NCOA3: variants seen among roughly 807,000 people sequenced by gnomAD.
NCOA3 encodes the protein nuclear receptor coactivator 3, also known as CBP-interacting protein.
NCOA3 carries 51 observed loss-of-function variants against 158.8 expected under a neutral mutation model. The ratio of observed to expected loss-of-function variants is 0.32; its 90% confidence interval spans 0.26 to 0.41. The LOEUF (loss-of-function observed/expected upper bound fraction) is 0.41. Among genes scored for constraint, NCOA3 ranks in the 10% least tolerant of loss-of-function variants. The pLI, the probability that NCOA3 is intolerant of heterozygous loss-of-function variation, is 1.00. For missense variants in NCOA3, 1,510 were observed against 1,746.6 expected (o/e 0.86, Z 2.41); for synonymous variants, 537 against 592.4 (o/e 0.91, Z 1.36).
chr20:47,583,285 G>A lies in NCOA3; in HGVS notation c.-20+24G>A, dbSNP rs1602437031. On this transcript the variant is annotated intron_variant, in intron 2 of 22. Coordinates refer to ENST00000371998, the MANE Select transcript of NCOA3 (RefSeq NM_181659.3). ...AGGTAATTCAGCTTTAGTTTGATTT[G>A]ATCCTTTGTAATTTTTTGTCTTCAA... is the stretch of plus-strand genomic sequence containing the variant. The A allele has an allele frequency of 2.0e-5, 8 of 398,436 alleles. No individual in the cohort carries two copies. In the East Asian group the frequency reaches 2.9e-4, roughly 14 times the overall value. The allele number at this position is 398,436 out of a possible 1,614,324, so 24.7% of individuals were successfully genotyped here.
intron 1 of NCOA3, among the ~76,000 whole-genome samples, chr20:47,567,306 A>G (rs537790601): frequency 1.3e-5 from 2 of 152,134 alleles, no homozygotes; most frequent in African/African-American, 2.4e-5. Context: ...TCGGCCTCCC[A>G]AAGTGCTAGG....
chr20:47,548,773 G>T (rs1190431287), intron 1 of NCOA3, among the ~76,000 whole-genome samples: 2 of 152,066 alleles, frequency 1.3e-5, no homozygotes, highest in Middle Eastern at 3.2e-3. Flanking sequence ...TGTCATGATG[G>T]TTTACTGTGT....
At chr20:47,587,943 C>T (rs1027198797) in intron 2 of NCOA3, among the ~76,000 whole-genome samples, 29 of 152,012 alleles carry the variant, frequency 1.9e-4, no homozygotes, top group African/African-American at 7.0e-4. Flanking sequence ...ACTCATTTGC[C>T]TAATCCTCTA....
chr20:47,587,849 C>T (rs1439760001), intron 2 of NCOA3, among the ~76,000 whole-genome samples: 2 of 152,086 alleles, frequency 1.3e-5, no homozygotes, highest in Admixed American at 6.5e-5. Flanking sequence ...TATTCCATGT[C>T]TACAGGGTTC....
intron 1 of NCOA3, among the ~76,000 whole-genome samples, chr20:47,536,634 G>C (rs987621459): frequency 1.3e-5 from 2 of 152,028 alleles, no homozygotes; most frequent in African/African-American, 4.8e-5. Context: ...AGTGATGATT[G>C]ATATCTGTGC....
chr20:47,566,590 C>T (rs1303166594), intron 1 of NCOA3, among the ~76,000 whole-genome samples: 1 of 152,100 alleles, frequency 6.6e-6, no homozygotes, highest in Non-Finnish European at 1.5e-5. Context: ...CAGCTCACCG[C>T]ACCCTCAACC....
chr20:47,524,642 C>T (rs1267285887), intron 1 of NCOA3, among the ~76,000 whole-genome samples: 1 of 152,170 alleles, frequency 6.6e-6, no homozygotes, highest in Non-Finnish European at 1.5e-5. Flanking sequence ...AGAGGAAGCT[C>T]CCTGGTACAG....
intron 1 of NCOA3, among the ~76,000 whole-genome samples, chr20:47,578,157 CA>C (rs35210269): frequency 6.6e-6 from 1 of 151,344 alleles, no homozygotes; most frequent in Admixed American, 6.6e-5. Context: ...TTATATAGCT[CA>C]AAAAAAGTGG....
At position 47,652,632 on chromosome 20, in the gene NCOA3, A is replaced by G. The variant is rs766965488; in HGVS notation, c.4121+52A>G. Reference sequence around the variant, plus strand: ...GTCACATCCTAGTCCCAGAAGTCCAAGAACTTAATGTATTTTTCAGTCAAG... The same window carrying G: ...GTCACATCCTAGTCCCAGAAGTCCAGGAACTTAATGTATTTTTCAGTCAAG... On this transcript the variant is annotated intron_variant, in intron 21 of 22. Coordinates refer to ENST00000371998, the MANE Select transcript of NCOA3 (RefSeq NM_181659.3). 2.0e-5 allele frequency: 31 copies of G among 1,531,586 alleles called. No individual in the cohort carries two copies. In the East Asian group the frequency reaches 7.2e-4, roughly 35 times the overall value. The allele number at this position is 1,531,586 out of a possible 1,614,324, so 94.9% of individuals were successfully genotyped here. A position where few individuals can be genotyped will look rare whatever the true frequency, so the allele number is the denominator to read the frequency against.
chr20:47,566,536 G>A (rs6018549), intron 1 of NCOA3, among the ~76,000 whole-genome samples: 19,421 of 151,810 alleles, frequency 0.13, 1,711 homozygotes, highest in African/African-American at 0.24. Context: ...TTTTGAGATA[G>A]GGTCTTGCTC....
chr20:47,538,294 G>A (rs1450967477), intron 1 of NCOA3, among the ~76,000 whole-genome samples: 1 of 152,204 alleles, frequency 6.6e-6, no homozygotes, highest in Non-Finnish European at 1.5e-5. Context: ...GACTGCTATA[G>A]TAATTCACGA....
intron 19 of NCOA3, 137 bp from the exon 20 acceptor site, chr20:47,650,845 A>T: frequency 1.2e-6 from 1 of 819,428 alleles, no homozygotes; most frequent in East Asian, 2.5e-5. Context: ...CCTGGGCGAC[A>T]GAGTGAGACC....
In NCOA3 at chr20:47,654,926, TCA is replaced by T. The variant is rs575492858; in HGVS notation, c.*1510_*1511del. On this transcript the variant is annotated 3_prime_UTR_variant, in exon 23 of 23. Transcript: ENST00000371998. ...CTTTTCATCCCCTTTAGGAGCGTTT[TCA>T]GATTTTGGTTGCTAAGACCTGAATC... 184 of 152,222 alleles carry T rather than the reference TCA, an allele frequency of 1.2e-3. No individual in the cohort carries two copies. The highest frequency in any genetic ancestry group is 5.6e-4 in the Non-Finnish European group (38 of 68,034). The allele number at this position is 152,222 out of a possible 1,614,324, so 9.4% of individuals were successfully genotyped here. A position where few individuals can be genotyped will look rare whatever the true frequency, so the allele number is the denominator to read the frequency against.
At chr20:47,548,026 C>T (rs2146146648) in intron 1 of NCOA3, among the ~76,000 whole-genome samples, 1 of 151,978 alleles carries the variant, frequency 6.6e-6, no homozygotes, top group African/African-American at 2.4e-5. Flanking sequence ...CCACCATGCT[C>T]AGCCTTTGTT....
At chr20:47,596,175 A>G (rs894082832) in intron 2 of NCOA3, among the ~76,000 whole-genome samples, 2 of 152,218 alleles carry the variant, frequency 1.3e-5, no homozygotes, top group Non-Finnish European at 2.9e-5. Flanking sequence ...AGTCACAGCT[A>G]TCTTTGAGTT....
chr20:47,593,886 T>C (rs2085696992), intron 2 of NCOA3, among the ~76,000 whole-genome samples: 1 of 152,178 alleles, frequency 6.6e-6, no homozygotes. Context: ...TTAGTTGTAG[T>C]AACCGTATAT....
chr20:47,647,091 A>G lies in NCOA3; in HGVS notation c.3271A>G (p.Lys1091Glu). The G allele has an allele frequency of 6.2e-7, 1 of 1,613,972 alleles. No individual in the cohort carries two copies. The highest frequency in any genetic ancestry group is 8.5e-7 in the Non-Finnish European group (1 of 1,179,866). ...GTTTAAGGGACAGGCATTAGAGCCCAAACAGGATGCTTTCCAAGGCCAAGA... is the reference window on the plus strand; with the variant it reads ...GTTTAAGGGACAGGCATTAGAGCCCGAACAGGATGCTTTCCAAGGCCAAGA... The part of the protein sequence containing the change: ...LVNQGQALEP[K>E]QDAFQGQEAA... The change falls in exon 18 of 23, where the codon AAA becomes GAA. Residue 1091 changes from lysine to glutamate, a missense_variant. Around this residue, in one of 4 missense-constraint regions of NCOA3, gnomAD observed 1,017 missense variants for 1,098.3 expected, o/e 0.93. Coordinates refer to ENST00000371998, the MANE Select transcript of NCOA3 (RefSeq NM_181659.3).
chr20:47,640,435 C>CT (rs1491246495), intron 16 of NCOA3, among the ~76,000 whole-genome samples: 3 of 152,112 alleles, frequency 2.0e-5, no homozygotes, highest in African/African-American at 7.2e-5. Context: ...GAAAATTAAA[C>CT]TTTTTTAAAA....
At chr20:47,633,352 GAT>G in intron 8 of NCOA3, 142 bp from the exon 9 acceptor site, 1 of 720,308 alleles carries the variant, frequency 1.4e-6, no homozygotes, top group Non-Finnish European at 2.2e-6. Flanking sequence ...AAAAGCTGTG[GAT>G]ATAGTAGAAA....
Sources: allele counts gnomAD v4.1 joint callset (sites outside exome capture counted in the v4.1 genomes callset), GRCh38; gene constraint gnomAD v4.1.1; regional missense constraint gnomAD v4.1.1; transcripts MANE v1.5; gene names NCBI Gene and HGNC (gene_info 2026-07-23, HGNC 2026-07-21).